Variants in UGT2B4 observed in about 807,000 individuals in gnomAD.
The protein encoded by UGT2B4 is UDP-glucuronosyltransferase 2B4.
UGT2B4 carries 49 observed loss-of-function variants against 49.8 expected under a neutral mutation model. The observed-to-expected ratio is 0.98, with a 90% CI of 0.78 to 1.25. The LOEUF is 1.25. Among genes scored for constraint, UGT2B4 ranks in the 50% most tolerant of loss-of-function variants. The pLI, the probability that UGT2B4 is intolerant of heterozygous loss-of-function variation, is 0.00. For missense variants in UGT2B4, 729 were observed against 627.7 expected, an observed-to-expected ratio of 1.16 and a Z score of -1.73; for synonymous variants, 246 against 217.7, an observed-to-expected ratio of 1.13 and a Z score of -1.14.
intron 5 of UGT2B4, among the ~76,000 whole-genome samples, chr4:69,481,678 T>A (rs1727595738): frequency 6.6e-6 from 1 of 152,156 alleles, no homozygotes; most frequent in African/African-American, 2.4e-5. Flanking sequence ...CCAGTTACAC[T>A]CCTTTAGTTC....
chr4:69,517,238 C>A (rs116063577), intron 1 of UGT2B4, among the ~76,000 whole-genome samples: 1 of 152,016 alleles, frequency 6.6e-6, no homozygotes, highest in African/African-American at 2.4e-5. Flanking sequence ...AGCCCTCCCC[C>A]CCAAGAAATA....
chr4:69,500,090 T>C (rs561450678), upstream of UGT2B4, among the ~76,000 whole-genome samples: 209 of 152,298 alleles, frequency 1.4e-3, 2 homozygotes, highest in South Asian at 2.7e-3. Context: ...ATCATGTCCA[T>C]TGCAGGGACA....
upstream of UGT2B4, among the ~76,000 whole-genome samples, chr4:69,496,449 A>C (rs1053234147): frequency 6.6e-6 from 1 of 152,226 alleles, no homozygotes; most frequent in South Asian, 2.1e-4. Flanking sequence ...ATGTTCCTGC[A>C]GTCTCTTTGA....
At chr4:69,509,156 C>T (rs1417453331) in intron 1 of UGT2B4, among the ~76,000 whole-genome samples, 1 of 141,402 alleles carries the variant, frequency 7.1e-6, no homozygotes, top group Admixed American at 7.7e-5. Context: ...ATTGTTAGAT[C>T]ATATGGAATT....
chr4:69,480,464 A>C lies in UGT2B4; in HGVS notation c.*170T>G. 1 of 958,684 alleles carries C rather than the reference A, an allele frequency of 1.0e-6. No homozygotes were observed. The allele number at this position is 958,684 out of a possible 1,614,324, so 59.4% of individuals were successfully genotyped here. A position where few individuals can be genotyped will look rare whatever the true frequency, so the allele number is the denominator to read the frequency against. On this transcript the variant is annotated 3_prime_UTR_variant, in exon 6 of 6. Transcript: ENST00000305107. ...AATGTTTTCCTCCTTGACATGAAAT[A>C]TTTCTAATGGTTAAACAGGTACTAA...
intron 3 of UGT2B4, among the ~76,000 whole-genome samples, chr4:69,489,065 G>A (rs764577789): frequency 7.9e-5 from 12 of 152,090 alleles, no homozygotes; most frequent in Middle Eastern, 3.2e-3. Flanking sequence ...AAAATGTAAC[G>A]TTTTCTAACA....
rs1174595798 is a variant in UGT2B4 at position 69,480,181 on chromosome 4, A to T, written c.*453T>A. 6.4e-6 allele frequency: 1 copy of T among 155,554 alleles called. No homozygotes were observed. The highest frequency in any genetic ancestry group is 2.4e-5 in the African/African-American group (1 of 41,454). 9.6% of individuals were successfully genotyped at this position (155,554 alleles called of 1,614,324 possible). On this transcript the variant is annotated 3_prime_UTR_variant, in exon 6 of 6. Transcript: ENST00000305107. ...GACTTTCTATACAATTTAATTATTT[A>T]TTAGCTTCCTCAACAACAGTTAAAA...
chr4:69,484,848 T>C (rs1727719465), intron 5 of UGT2B4, among the ~76,000 whole-genome samples: 1 of 152,308 alleles, frequency 6.6e-6, no homozygotes, highest in African/African-American at 2.4e-5. Flanking sequence ...AGAAAACAGA[T>C]ATACTTTGAG....
intron 1 of UGT2B4, among the ~76,000 whole-genome samples, chr4:69,501,810 C>T (rs1287018576): frequency 6.6e-6 from 1 of 152,082 alleles, no homozygotes; most frequent in Non-Finnish European, 1.5e-5. Flanking sequence ...TATGTACCCC[C>T]AGCACAGCAC....
chr4:69,503,793 G>C (rs1025243009), intron 1 of UGT2B4, among the ~76,000 whole-genome samples: 13 of 152,180 alleles, frequency 8.5e-5, no homozygotes, highest in African/African-American at 3.1e-4. Flanking sequence ...CAGCCTTCGT[G>C]ATGAGCAACC....
At chr4:69,516,721 T>C (rs186461106) in intron 1 of UGT2B4, among the ~76,000 whole-genome samples, 5 of 152,034 alleles carry the variant, frequency 3.3e-5, no homozygotes, top group African/African-American at 1.2e-4. Context: ...ATTCTCATGT[T>C]TCAGTCTCTC....
chr4:69,500,669 G>GAAAGAAAGA (rs1194966473), upstream of UGT2B4, among the ~76,000 whole-genome samples: 1 of 107,054 alleles, frequency 9.3e-6, no homozygotes, highest in African/African-American at 2.9e-5. Flanking sequence ...AAGAAAGAAA[G>GAAAGAAAGA]GAAGGAAAGA....
At chr4:69,489,595 A>G (rs767753329) in intron 2 of UGT2B4, 25 bp from the exon 3 acceptor site, 25 of 1,592,316 alleles carry the variant, frequency 1.6e-5, no homozygotes, top group African/African-American at 4.1e-5. Context: ...AATTTGTTCT[A>G]TCATAATAGA....
At chr4:69,512,241 G>A (rs1728622443) in intron 1 of UGT2B4, among the ~76,000 whole-genome samples, 1 of 151,400 alleles carries the variant, frequency 6.6e-6, no homozygotes, top group Non-Finnish European at 1.5e-5. Context: ...CTGATAATTT[G>A]GATATCTTGT....
chr4:69,511,929 T>A (rs1728613328), intron 1 of UGT2B4, among the ~76,000 whole-genome samples: 1 of 152,056 alleles, frequency 6.6e-6, no homozygotes, highest in Non-Finnish European at 1.5e-5. Flanking sequence ...TTCTACGTTG[T>A]CCAGTTTGTT....
intron 1 of UGT2B4, among the ~76,000 whole-genome samples, chr4:69,514,567 G>A (rs976602798): frequency 5.9e-5 from 9 of 152,108 alleles, no homozygotes; most frequent in South Asian, 2.1e-4. Flanking sequence ...TCCAGTTTTC[G>A]CCCATTCAGT....
chr4:69,499,830 A>AT (rs1728255592), upstream of UGT2B4, among the ~76,000 whole-genome samples: 1 of 152,062 alleles, frequency 6.6e-6, no homozygotes, highest in Non-Finnish European at 1.5e-5. Flanking sequence ...GTCATTCAGT[A>AT]TTTTTTAATT....
intron 5 of UGT2B4, 58 bp downstream of exon 5, chr4:69,485,150 C>T: frequency 6.4e-7 from 1 of 1,573,434 alleles, no homozygotes; most frequent in African/African-American, 1.4e-5. Flanking sequence ...GTCATACTCA[C>T]TATTCACAAG....
At position 69,493,702 on chromosome 4, in the gene UGT2B4, G is replaced by T. The variant is rs754308605; in HGVS notation, c.861C>A (p.Pro287=). 5 of 1,606,676 alleles carry T rather than the reference G, an allele frequency of 3.1e-6. No homozygotes were observed. In the Admixed American group the frequency reaches 5.1e-5, roughly 16 times the overall value. The change falls in exon 2 of 6, where the codon CCC becomes CCA. Residue 287 remains proline, a synonymous_variant. Coordinates refer to ENST00000305107, the MANE Select transcript of UGT2B4 (RefSeq NM_021139.3). ...AACAGTAATAGTTTACCTTCGGTAG[G>T]GGTTTGGCAGGTTTGCAGTGGAGTC... ...VGGLHCKPAK[P]LPKEMEEFVQ...
Sources: gnomAD v4.1 joint callset for allele counts (sites outside exome capture counted in the v4.1 genomes callset) on GRCh38, gnomAD v4.1.1 for gene constraint, MANE v1.5 for transcripts, NCBI Gene and HGNC (gene_info 2026-07-23, HGNC 2026-07-21) for gene names.